The following SEC14L5 variants were observed in gnomAD, a reference collection of about 807,000 sequenced individuals.
SEC14L5 encodes the protein SEC14 like lipid binding 5, also known as SEC14-like protein 5.
Under a neutral mutation model 84.6 loss-of-function variants are expected in SEC14L5, and 96 were observed. The ratio of observed to expected loss-of-function variants is 1.13; its 90% CI spans 0.96 to 1.34. The LOEUF is 1.34. Ranked by LOEUF, SEC14L5 falls within the 40% of genes most tolerant of loss-of-function variation. SEC14L5 has a pLI of 0.00. For synonymous variants in SEC14L5, 546 were observed against 383.4 expected, an observed-to-expected ratio of 1.42 and a Z score of -4.95; for missense variants, 1,224 against 942.5, an observed-to-expected ratio of 1.30 and a Z score of -3.91.
At chr16:4,968,267 C>G (rs143604517) in intron 2 of SEC14L5, among the ~76,000 whole-genome samples, 2,062 of 151,900 alleles carry the variant, frequency 0.014, 65 homozygotes, top group African/African-American at 0.048. Flanking sequence ...GAAACCTCTG[C>G]CTCCCGGGTT....
intron 2 of SEC14L5, among the ~76,000 whole-genome samples, chr16:4,960,178 C>T (rs1423378973): frequency 6.6e-6 from 1 of 152,168 alleles, no homozygotes; most frequent in African/African-American, 2.4e-5. Context: ...GGCTGCATCC[C>T]TCTGCCTCTG....
At chr16:4,983,877 CAAATAAATAAATAAAT>C (rs71139670) in intron 2 of SEC14L5, among the ~76,000 whole-genome samples, 15,031 of 144,124 alleles carry the variant, frequency 0.1, 1,033 homozygotes, top group Non-Finnish European at 0.16. Flanking sequence ...AACTCTGTCT[CAAATAAATAAATAAAT>C]AAATAAATAA....
At chr16:4,962,165 C>CAAAAAAA (rs540573784) in intron 2 of SEC14L5, among the ~76,000 whole-genome samples, 6 of 72,730 alleles carry the variant, frequency 8.2e-5, no homozygotes, top group African/African-American at 1.1e-4. Context: ...GACTCTGTCT[C>CAAAAAAA]AAAAAAAAAA....
intron 6 of SEC14L5, among the ~76,000 whole-genome samples, chr16:4,992,507 C>T (rs1955563452): frequency 6.6e-6 from 1 of 152,216 alleles, no homozygotes; most frequent in African/African-American, 2.4e-5. Context: ...TTGCCTTGGC[C>T]TCCCAAAGTG....
chr16:4,965,506 A>G (rs1468301194), intron 2 of SEC14L5, among the ~76,000 whole-genome samples: 1 of 151,424 alleles, frequency 6.6e-6, no homozygotes, highest in Non-Finnish European at 1.5e-5. Flanking sequence ...CTAAAAATAC[A>G]AAAAATTAGC....
intron 2 of SEC14L5, among the ~76,000 whole-genome samples, chr16:4,971,191 T>C (rs1315621234): frequency 6.6e-6 from 1 of 152,136 alleles, no homozygotes; most frequent in Admixed American, 6.5e-5. Context: ...GGGCGGTGGC[T>C]TACGCCTATA....
At chr16:4,963,872 A>C (rs1178227344) in intron 2 of SEC14L5, among the ~76,000 whole-genome samples, 1 of 152,062 alleles carries the variant, frequency 6.6e-6, no homozygotes, top group African/African-American at 2.4e-5. Flanking sequence ...ACTTTTATAG[A>C]AATGAGGTCT....
chr16:4,987,780 T>C, intron 3 of SEC14L5, 74 bp downstream of exon 3: 1 of 1,187,358 alleles, frequency 8.4e-7, no homozygotes, highest in Non-Finnish European at 1.1e-6. Context: ...GCGCGGGAGC[T>C]GGGGACCAGG....
In SEC14L5 at chr16:5,001,018, G is replaced by A. The variant is rs562935156; in HGVS notation, c.1130+93G>A. 8.1e-5 allele frequency: 81 copies of A among 1,000,724 alleles called. No individual in the cohort carries two copies. The African/African-American group carries it at 9.7e-4, about 12-fold the overall frequency. The allele number at this position is 1,000,724 out of a possible 1,614,324, so 62.0% of individuals were successfully genotyped here. On this transcript the variant is annotated intron_variant, in intron 10 of 15. Coordinates refer to ENST00000251170, the MANE Select transcript of SEC14L5 (RefSeq NM_014692.2). ...GTGCATATGTGCTGGGCTGGGCAGC[G>A]TGCCAGGGGCTTCATTCTCCCCCAG...
intron 8 of SEC14L5, 95 bp downstream of exon 8, chr16:4,997,139 C>A (rs1955621592): frequency 1.1e-6 from 1 of 933,414 alleles, no homozygotes; most frequent in Non-Finnish European, 1.5e-6. Flanking sequence ...CACTCTGTCA[C>A]CCAGGCTGGA....
At chr16:4,979,886 C>T (rs1477786353) in intron 2 of SEC14L5, among the ~76,000 whole-genome samples, 2 of 152,228 alleles carry the variant, frequency 1.3e-5, no homozygotes, top group African/African-American at 4.8e-5. Flanking sequence ...GCCCCATCCT[C>T]AGCCCACCCC....
At chr16:5,005,739 C>A (rs1352474597) in intron 11 of SEC14L5, among the ~76,000 whole-genome samples, 175 bp from the exon 12 acceptor site, 2 of 151,376 alleles carry the variant, frequency 1.3e-5, no homozygotes, top group Non-Finnish European at 2.9e-5. Context: ...TGGTGGGTGC[C>A]TGTAGTCCCA....
chr16:5,000,904 G>A lies in SEC14L5; in HGVS notation c.1109G>A (p.Arg370Lys), dbSNP rs777274644. Residue 370 changes from arginine to lysine, a missense_variant, in exon 10 of 16, where the codon AGG (arginine) becomes AAG (lysine). By Grantham distance (26) the Arg-to-Lys change is conservative. Coordinates refer to ENST00000251170, the MANE Select transcript of SEC14L5 (RefSeq NM_014692.2). ...EGQKRCEGST[R>K]QLGRPISSWT... ...CAGAAGCGGTGTGAGGGGAGCACAA[G>A]GCAGCTGGGCCGTCCCATCAGGCAA... is the stretch of plus-strand genomic sequence containing the variant. The A allele has an allele frequency of 3.1e-6, 5 of 1,608,132 alleles. No individual in the cohort carries two copies. The South Asian group carries it at 4.5e-5, about 14-fold the overall frequency.
At chr16:4,977,145 A>G (rs1010564571) in intron 2 of SEC14L5, among the ~76,000 whole-genome samples, 2 of 152,158 alleles carry the variant, frequency 1.3e-5, no homozygotes, top group Non-Finnish European at 2.9e-5. Context: ...TTATTCCAGA[A>G]TACAAAAAGA....
intron 4 of SEC14L5, among the ~76,000 whole-genome samples, chr16:4,988,928 G>C (rs958388933): frequency 1.3e-5 from 2 of 152,242 alleles, no homozygotes; most frequent in Non-Finnish European, 2.9e-5. Context: ...GTGTGCATTT[G>C]TCACAGCTAA....
rs61745575 is a variant in SEC14L5, at chr16:5,000,677, C to T, written c.993C>T (p.Leu331=). 6,856 of 1,551,794 alleles carry T rather than the reference C, an allele frequency of 4.4e-3. 237 individuals are homozygous for T. In the African/African-American group the frequency reaches 0.076, roughly 17 times the overall value. The change falls in exon 9 of 16, where the codon CTC becomes CTT. Residue 331 remains leucine (L), a synonymous_variant. Transcript: ENST00000251170. ...AAGATGGCCGCCCCCTCTACATCCT[C>T]CGCCTGGGCCAGATGGACACCAAAG... ...QDIDGRPLYI[L]RLGQMDTKGL...
chr16:5,002,213 C>T (rs143788280), intron 10 of SEC14L5, among the ~76,000 whole-genome samples: 1,913 of 152,208 alleles, frequency 0.013, 19 homozygotes, highest in Non-Finnish European at 0.02. Flanking sequence ...CTGTGAGACA[C>T]GGGCAGGCAG....
intron 2 of SEC14L5, among the ~76,000 whole-genome samples, chr16:4,977,136 T>A (rs1216821019): frequency 1.3e-5 from 2 of 152,086 alleles, no homozygotes; most frequent in Non-Finnish European, 2.9e-5. Context: ...TAAATGTAAT[T>A]ATTCCAGAAT....
intron 2 of SEC14L5, among the ~76,000 whole-genome samples, chr16:4,971,089 G>C (rs1955272183): frequency 8.3e-6 from 1 of 120,128 alleles, no homozygotes; most frequent in Non-Finnish European, 1.7e-5. Flanking sequence ...TGGTGACAGA[G>C]CCAAAAAAAA....
Sources: allele counts gnomAD v4.1 joint callset (sites outside exome capture counted in the v4.1 genomes callset), GRCh38; gene constraint gnomAD v4.1.1; transcripts MANE v1.5; gene names NCBI Gene and HGNC (gene_info 2026-07-23, HGNC 2026-07-21).